PRKCA: variants seen among roughly 807,000 people sequenced by gnomAD.
PRKCA encodes protein kinase C alpha.
Under a neutral mutation model 87.0 loss-of-function variants are expected in PRKCA, and 27 were observed. That is an observed-to-expected ratio of 0.31 (90% CI 0.23 to 0.43). PRKCA has a LOEUF of 0.43. PRKCA is among the 20% of genes least tolerant of loss of function. The probability of loss-of-function intolerance (pLI) is 1.00; values close to 1 mark genes in which losing one functional copy is unlikely to be tolerated. For missense variants in PRKCA, 518 were observed against 852.3 expected, an observed-to-expected ratio of 0.61 and a Z score of 4.88; for synonymous variants, 329 against 311.1, an observed-to-expected ratio of 1.06 and a Z score of -0.61.
At chr17:66,477,331 C>T (rs748670855) in intron 2 of PRKCA, among the ~76,000 whole-genome samples, 2 of 152,150 alleles carry the variant, frequency 1.3e-5, no homozygotes, top group Non-Finnish European at 2.9e-5. Context: ...TAGCCAGGGG[C>T]GTTGCTTAAC....
At chr17:66,755,303 C>T (rs1463380042) in intron 13 of PRKCA, among the ~76,000 whole-genome samples, 3 of 152,168 alleles carry the variant, frequency 2.0e-5, no homozygotes, top group African/African-American at 7.2e-5. Flanking sequence ...GGGAGAACAC[C>T]TTTCTGCCAG....
intron 5 of PRKCA, among the ~76,000 whole-genome samples, chr17:66,678,442 T>C (rs1229888885): frequency 6.6e-6 from 1 of 152,202 alleles, no homozygotes; most frequent in Non-Finnish European, 1.5e-5. Context: ...TACCTATTGC[T>C]AAGATTACTA....
At chr17:66,449,584 T>C (rs534235353) in intron 2 of PRKCA, among the ~76,000 whole-genome samples, 5 of 152,274 alleles carry the variant, frequency 3.3e-5, no homozygotes, top group Admixed American at 1.3e-4. Flanking sequence ...AAACAAAATG[T>C]CCTTACATGT....
At chr17:66,464,723 A>G (rs945538407) in intron 2 of PRKCA, among the ~76,000 whole-genome samples, 1 of 152,076 alleles carries the variant, frequency 6.6e-6, no homozygotes, top group Admixed American at 6.5e-5. Context: ...TTGTTTTCCT[A>G]TTGCTGAATT....
intron 5 of PRKCA, among the ~76,000 whole-genome samples, chr17:66,677,947 T>C (rs1186630220): frequency 6.6e-6 from 1 of 152,224 alleles, no homozygotes; most frequent in East Asian, 1.9e-4. Flanking sequence ...CAGAACATTG[T>C]CATCACTTCA....
At position 66,732,694 on chromosome 17, in the gene PRKCA, A is replaced by G; in HGVS notation, c.925A>G (p.Lys309Glu). 6.2e-7 allele frequency: 1 copy of G among 1,614,098 alleles called. No homozygotes were observed. The highest frequency in any genetic ancestry group is 8.5e-7 in the Non-Finnish European group (1 of 1,179,990). ...ATTTGTGCTTGTTATTTAGAAAGCCAAACTTGGCCCTGCTGGCAACAAAGT... is the reference window on the plus strand; with the variant it reads ...ATTTGTGCTTGTTATTTAGAAAGCCGAACTTGGCCCTGCTGGCAACAAAGT... The part of the protein sequence containing the change: ...MELRQKFEKA[K>E]LGPAGNKVIS... Residue 309 changes from lysine (K) to glutamate (E), a missense_variant, in exon 9 of 17, where the codon AAA becomes GAA. Physicochemically the swap from Lys to Glu is moderately conservative, Grantham distance 56. Transcript: ENST00000413366.
At chr17:66,473,282 C>G (rs1915402620) in intron 2 of PRKCA, among the ~76,000 whole-genome samples, 1 of 152,226 alleles carries the variant, frequency 6.6e-6, no homozygotes, top group Non-Finnish European at 1.5e-5. Flanking sequence ...GCCTCAATCT[C>G]TGTGTTTCCC....
At position 66,735,636 on chromosome 17, in the gene PRKCA, C is replaced by A. The variant is rs1974005724; in HGVS notation, c.1204C>A (p.Gln402Lys). 6.2e-7 allele frequency: 1 copy of A among 1,614,118 alleles called. No homozygotes were observed. Among genetic ancestry groups the A allele is most frequent in the African/African-American group, 1.3e-5 (1 of 75,036 alleles). The change falls in exon 10 of 17, where the codon CAG becomes AAG. Residue 402 changes from glutamine (Q) to lysine (K), a missense_variant. Physicochemically the swap from Gln to Lys is moderately conservative, Grantham distance 53. Around this residue, in one of 5 missense-constraint regions of PRKCA, gnomAD observed 300 missense variants for 496.8 expected, o/e 0.60. Transcript: ENST00000413366. The part of the protein sequence containing the change: ...ALLDKPPFLT[Q>K]LHSCFQTVDR... Reference sequence around the variant, plus strand: ...GCTTGACAAACCCCCGTTCTTGACGCAGCTGCACTCCTGCTTCCAGACAGT... The same window carrying A: ...GCTTGACAAACCCCCGTTCTTGACGAAGCTGCACTCCTGCTTCCAGACAGT...
chr17:66,608,171 T>TGATTGGAGCACACC (rs1020231646), intron 3 of PRKCA, among the ~76,000 whole-genome samples: 2 of 151,448 alleles, frequency 1.3e-5, no homozygotes, highest in African/African-American at 2.4e-5. Flanking sequence ...TGAAGCACAC[T>TGATTGGAGCACACC]GATTGGAGCA....
chr17:66,641,797 G>A (rs372445796), intron 4 of PRKCA, among the ~76,000 whole-genome samples: 43 of 150,458 alleles, frequency 2.9e-4, no homozygotes, highest in African/African-American at 9.1e-4. Flanking sequence ...GACTTCCACC[G>A]CCAGGTCCAC....
intron 8 of PRKCA, among the ~76,000 whole-genome samples, chr17:66,720,481 C>T (rs1275477147): frequency 1.3e-5 from 2 of 152,210 alleles, no homozygotes; most frequent in Non-Finnish European, 2.9e-5. Flanking sequence ...ATTCCACTAA[C>T]GATACCGTGA....
At position 66,540,809 on chromosome 17, in the gene PRKCA, G is replaced by A. The variant is rs188233032; in HGVS notation, c.288+44526G>A. 3.8e-3 allele frequency among the ~76,000 whole-genome samples: 574 copies of A among 152,262 alleles called. 3 individuals are homozygous for A. The highest frequency in any genetic ancestry group is 0.02 in the Middle Eastern group (6 of 294). ...TGGCTTACAACAGAGGCAGTCGAGG[G>A]TAATTATTAGTATCATGGTTTGACC... is the stretch of plus-strand genomic sequence containing the variant. On this transcript the variant is annotated intron_variant, in intron 3 of 16. Transcript: ENST00000413366.
intron 11 of PRKCA, among the ~76,000 whole-genome samples, chr17:66,740,339 A>G (rs1321867500): frequency 1.3e-5 from 2 of 152,144 alleles, no homozygotes; most frequent in Non-Finnish European, 2.9e-5. Flanking sequence ...GGGGCCAGGA[A>G]GTCTCAGGAA....
chr17:66,450,318 C>T (rs1394956303), intron 2 of PRKCA, among the ~76,000 whole-genome samples: 1 of 152,166 alleles, frequency 6.6e-6, no homozygotes, highest in Non-Finnish European at 1.5e-5. Flanking sequence ...CACAGTCCCT[C>T]TTAGTCACAG....
chr17:66,612,843 T>A (rs1417308828), intron 3 of PRKCA, among the ~76,000 whole-genome samples: 1 of 152,160 alleles, frequency 6.6e-6, no homozygotes, highest in Non-Finnish European at 1.5e-5. Context: ...TACAAACAGT[T>A]GAAGAAAATT....
At chr17:66,614,999 G>A (rs1970477583) in intron 3 of PRKCA, among the ~76,000 whole-genome samples, 2 of 152,148 alleles carry the variant, frequency 1.3e-5, no homozygotes, top group African/African-American at 4.8e-5. Context: ...CAGTTCCACA[G>A]TCATCAGGAA....
At chr17:66,706,920 AG>A (rs1171591604) in intron 8 of PRKCA, among the ~76,000 whole-genome samples, 1 of 152,172 alleles carries the variant, frequency 6.6e-6, no homozygotes, top group Admixed American at 6.5e-5. Flanking sequence ...ATGGAATAAT[AG>A]GGTATTCAAA....
chr17:66,649,574 G>C (rs774841141), intron 5 of PRKCA, among the ~76,000 whole-genome samples: 1 of 152,170 alleles, frequency 6.6e-6, no homozygotes, highest in Non-Finnish European at 1.5e-5. Context: ...GCCGCAGCCC[G>C]GGCCTGGCTT....
chr17:66,444,942 AAC>A (rs1341607092), intron 2 of PRKCA, among the ~76,000 whole-genome samples: 1 of 152,178 alleles, frequency 6.6e-6, no homozygotes, highest in Non-Finnish European at 1.5e-5. Context: ...CACAACACAC[AAC>A]ACACACACAC....
Sources: allele counts gnomAD v4.1 joint callset (sites outside exome capture counted in the v4.1 genomes callset), GRCh38; gene constraint gnomAD v4.1.1; regional missense constraint gnomAD v4.1.1; transcripts MANE v1.5; gene names NCBI Gene and HGNC (gene_info 2026-07-23, HGNC 2026-07-21).